DPYD: variants seen among roughly 807,000 people sequenced by gnomAD.
The protein encoded by DPYD is dihydropyrimidine dehydrogenase, also known as dihydropyrimidine dehydrogenase [NADP(+)].
A neutral mutation model predicts 116.2 loss-of-function variants in DPYD; 109 were observed. The ratio of observed to expected loss-of-function variants is 0.94; its 90% CI spans 0.80 to 1.10. DPYD has a LOEUF of 1.10. DPYD is among the 50% of genes least tolerant of loss of function. DPYD has a pLI of 0.00. For synonymous variants in DPYD, 440 were observed against 432.0 expected, an observed-to-expected ratio of 1.02 and a Z score of -0.23; for missense variants, 1,302 against 1,254.5, an observed-to-expected ratio of 1.04 and a Z score of -0.57.
intron 20 of DPYD, among the ~76,000 whole-genome samples, chr1:97,147,373 C>CG (rs2101709456): frequency 6.6e-6 from 1 of 152,044 alleles, no homozygotes; most frequent in African/African-American, 2.4e-5. Context: ...AACAAACGAA[C>CG]AAACAAACAA....
intron 19 of DPYD, among the ~76,000 whole-genome samples, chr1:97,204,159 A>G (rs1275306200): frequency 6.6e-6 from 1 of 152,204 alleles, no homozygotes; most frequent in Non-Finnish European, 1.5e-5. Context: ...GGAGGGCTAG[A>G]GAAGCAAAGC....
intron 10 of DPYD, among the ~76,000 whole-genome samples, chr1:97,584,091 T>G (rs1389316385): frequency 6.6e-6 from 1 of 152,224 alleles, no homozygotes; most frequent in Non-Finnish European, 1.5e-5. Context: ...TTCCTGACTT[T>G]TAATGATCGC....
rs576937651 is a variant in DPYD at position 97,683,397 on chromosome 1, G to C, written c.763-4215C>G. Among the ~76,000 whole-genome samples the C allele has an allele frequency of 2.3e-3, 345 of 151,788 alleles. 4 individuals are homozygous for C. Among genetic ancestry groups the C allele is most frequent in the African/African-American group, 7.8e-3 (322 of 41,530 alleles). ...GTTATAAGAGGTTATTAAGAAAAAGGTAATACCTCTATTAGATATTTCATC... is the reference window on the plus strand; with the variant it reads ...GTTATAAGAGGTTATTAAGAAAAAGCTAATACCTCTATTAGATATTTCATC... On this transcript the variant is annotated intron_variant, in intron 7 of 22. Transcript: ENST00000370192.
chr1:97,571,371 T>C (rs1652885164), intron 11 of DPYD, among the ~76,000 whole-genome samples: 1 of 151,976 alleles, frequency 6.6e-6, no homozygotes, highest in East Asian at 1.9e-4. Flanking sequence ...CGCTTTTTTT[T>C]AGTAGATAAA....
At chr1:97,684,516 C>T (rs112000660) in intron 7 of DPYD, among the ~76,000 whole-genome samples, 9 of 149,444 alleles carry the variant, frequency 6.0e-5, no homozygotes, top group African/African-American at 1.2e-4. Flanking sequence ...GATAGAGACA[C>T]GAAAAATCCT....
chr1:97,464,390 A>C (rs1394934022), intron 13 of DPYD, among the ~76,000 whole-genome samples: 3 of 152,256 alleles, frequency 2.0e-5, no homozygotes, highest in Admixed American at 6.5e-5. Context: ...ACGAGGAGCC[A>C]AATGCTAATC....
rs531535971 is a variant in DPYD at position 97,587,658 on chromosome 1, G to A, written c.1128+5560C>T. Among the ~76,000 whole-genome samples, 109 of 151,454 alleles carry A rather than the reference G, an allele frequency of 7.2e-4. 4 individuals carry two copies. In the South Asian group the frequency reaches 0.021, roughly 29 times the overall value. On this transcript the variant is annotated intron_variant, in intron 10 of 22. Transcript: ENST00000370192. ...GGCTAACATGGTGAAACCCCGTTTC[G>A]AACTTAAAAATACAAAAAATTAGAC...
intron 3 of DPYD, among the ~76,000 whole-genome samples, chr1:97,765,666 T>C (rs1665809867): frequency 6.6e-6 from 1 of 152,164 alleles, no homozygotes; most frequent in African/African-American, 2.4e-5. Context: ...ACCTCACCCT[T>C]AGACTTGTGA....
intron 10 of DPYD, among the ~76,000 whole-genome samples, chr1:97,584,039 A>C (rs1472937975): frequency 1.3e-5 from 2 of 152,146 alleles, no homozygotes; most frequent in East Asian, 1.9e-4. Flanking sequence ...GAACAGTGTA[A>C]AAGTGTTCCT....
At chr1:97,303,133 G>T (rs2101028442) in intron 18 of DPYD, among the ~76,000 whole-genome samples, 1 of 152,044 alleles carries the variant, frequency 6.6e-6, no homozygotes, top group Non-Finnish European at 1.5e-5. Flanking sequence ...ATCTTATTCT[G>T]AGAAAAATAA....
chr1:97,612,915 T>C (rs1178220316), intron 8 of DPYD, among the ~76,000 whole-genome samples: 3 of 152,028 alleles, frequency 2.0e-5, no homozygotes, highest in Non-Finnish European at 4.4e-5. Flanking sequence ...ATGGATGTTT[T>C]TTCATTAAGA....
At chr1:97,690,343 T>G (rs1301522205) in intron 7 of DPYD, among the ~76,000 whole-genome samples, 4 of 152,018 alleles carry the variant, frequency 2.6e-5, no homozygotes, top group African/African-American at 9.7e-5. Flanking sequence ...TATGCTCTAA[T>G]TTATGCAATA....
chr1:97,450,372 A>G, intron 13 of DPYD, 149 bp from the exon 14 acceptor site: 1 of 765,192 alleles, frequency 1.3e-6, no homozygotes, highest in Non-Finnish European at 2.0e-6. Context: ...ATTAGAATTG[A>G]ACATAAACTA....
chr1:97,896,759 T>C (rs1228667147), intron 1 of DPYD, among the ~76,000 whole-genome samples: 2 of 151,896 alleles, frequency 1.3e-5, no homozygotes, highest in Non-Finnish European at 2.9e-5. Context: ...TCTAACTCTT[T>C]GGATTTGTCT....
chr1:97,211,860 T>A (rs977402059), intron 19 of DPYD, among the ~76,000 whole-genome samples: 4 of 152,046 alleles, frequency 2.6e-5, no homozygotes, highest in Non-Finnish European at 5.9e-5. Context: ...AGTATACATA[T>A]CTTAAATAAA....
At chr1:97,558,375 T>C (rs1651901305) in intron 11 of DPYD, among the ~76,000 whole-genome samples, 1 of 152,174 alleles carries the variant, frequency 6.6e-6, no homozygotes, top group South Asian at 2.1e-4. Flanking sequence ...TATTTGTCCA[T>C]TCCATTTATT....
intron 2 of DPYD, among the ~76,000 whole-genome samples, chr1:97,830,636 G>C (rs1669492344): frequency 1.3e-5 from 2 of 151,942 alleles, no homozygotes; most frequent in Admixed American, 1.3e-4. Flanking sequence ...CTTGAACCTG[G>C]GAGGTGGAGG....
chr1:97,175,427 A>C (rs1657175856), intron 20 of DPYD, among the ~76,000 whole-genome samples: 1 of 152,210 alleles, frequency 6.6e-6, no homozygotes, highest in East Asian at 1.9e-4. Flanking sequence ...ATGACATATA[A>C]GTTGATTATG....
At chr1:97,868,857 TC>T (rs1168618562) in intron 2 of DPYD, among the ~76,000 whole-genome samples, 2 of 151,808 alleles carry the variant, frequency 1.3e-5, no homozygotes, top group African/African-American at 2.4e-5. Context: ...ACCACTGTGC[TC>T]CTTAGGATTT....
Sources: gnomAD v4.1 joint callset for allele counts (sites outside exome capture counted in the v4.1 genomes callset) on GRCh38, gnomAD v4.1.1 for gene constraint, MANE v1.5 for transcripts, NCBI Gene and HGNC (gene_info 2026-07-23, HGNC 2026-07-21) for gene names.